RYR3: variants seen among roughly 807,000 people sequenced by gnomAD.
RYR3 encodes the protein ryanodine receptor 3, also known as brain ryanodine receptor-calcium release channel.
A neutral mutation model predicts 584.3 loss-of-function variants in RYR3; 207 were observed. That is an observed-to-expected ratio of 0.35 (90% CI 0.32 to 0.40). RYR3 has a LOEUF of 0.40. RYR3 is among the 10% of genes least tolerant of loss of function. The pLI is 1.00. For missense variants in RYR3, 5,616 were observed against 6,089.2 expected, an observed-to-expected ratio of 0.92 and a Z score of 2.59; for synonymous variants, 2,416 against 2,248.5, an observed-to-expected ratio of 1.07 and a Z score of -2.11.
At chr15:33,608,381 A>G (rs1222365231) in intron 18 of RYR3, among the ~76,000 whole-genome samples, 1 of 152,246 alleles carries the variant, frequency 6.6e-6, no homozygotes, top group Non-Finnish European at 1.5e-5. Flanking sequence ...TTATTAAGCC[A>G]TGAAAGCCCT....
At chr15:33,862,584 G>C (rs542053997) in intron 102 of RYR3, among the ~76,000 whole-genome samples, 20 of 152,162 alleles carry the variant, frequency 1.3e-4, no homozygotes, top group Non-Finnish European at 2.6e-4. Context: ...ACATGTTTTT[G>C]CTGGGGGATG....
At chr15:33,757,729 C>T (rs2071989818) in intron 60 of RYR3, 133 bp downstream of exon 60, 12 of 946,086 alleles carry the variant, frequency 1.3e-5, no homozygotes, top group South Asian at 9.9e-5. Context: ...ATCTGAGTTT[C>T]GAAAGAAACT....
At chr15:33,813,366 C>T in intron 73 of RYR3, 101 bp from the exon 74 acceptor site, 1 of 1,049,266 alleles carries the variant, frequency 9.5e-7, no homozygotes, top group Admixed American at 1.9e-5. Flanking sequence ...AGTTGAGAAG[C>T]CAAAATTCTT....
At chr15:33,609,138 A>G (rs1033246255) in intron 18 of RYR3, among the ~76,000 whole-genome samples, 3 of 152,246 alleles carry the variant, frequency 2.0e-5, no homozygotes, top group Admixed American at 1.3e-4. Flanking sequence ...CCCAGTTTGT[A>G]TGATTCTTAG....
chr15:33,401,569 A>AT (rs1183694268), intron 1 of RYR3, among the ~76,000 whole-genome samples: 1 of 152,220 alleles, frequency 6.6e-6, no homozygotes, highest in Admixed American at 6.5e-5. Context: ...TTTACATGGA[A>AT]AAACATTTGT....
At chr15:33,563,799 C>T (rs1465793075) in intron 11 of RYR3, among the ~76,000 whole-genome samples, 2 of 152,146 alleles carry the variant, frequency 1.3e-5, no homozygotes, top group East Asian at 1.9e-4. Flanking sequence ...TGAGAATGAA[C>T]ATAAGGTAAT....
At chr15:33,725,447 C>T (rs550384744) in intron 45 of RYR3, among the ~76,000 whole-genome samples, 39 of 152,236 alleles carry the variant, frequency 2.6e-4, no homozygotes, top group African/African-American at 5.5e-4. Context: ...TACTACACCC[C>T]GCCAGAGACT....
chr15:33,729,042 A>C lies in RYR3; in HGVS notation c.7203+16A>C. 6.2e-7 allele frequency: 1 copy of C among 1,606,646 alleles called. No homozygotes were observed. The highest frequency in any genetic ancestry group is 8.5e-7 in the Non-Finnish European group (1 of 1,176,828). ...TCTAGATACAGTAAGTTGCAAAAAT[A>C]ACAAAAAATTATTGTTCCCATCATT... On this transcript the variant is annotated intron_variant, in intron 47 of 103. Transcript: ENST00000634891.
intron 94 of RYR3, chr15:33,849,554 A>G (rs901935232): frequency 1.3e-5 from 2 of 152,250 alleles, no homozygotes; most frequent in Admixed American, 1.3e-4. Context: ...GGCCATCACC[A>G]TTAGCAAATG....
At chr15:33,623,229 CG>C (rs2060815566) in intron 19 of RYR3, among the ~76,000 whole-genome samples, 1 of 152,204 alleles carries the variant, frequency 6.6e-6, no homozygotes, top group Non-Finnish European at 1.5e-5. Flanking sequence ...ATGGCTGCTG[CG>C]GGGGAATGCG....
intron 85 of RYR3, 71 bp downstream of exon 85, chr15:33,827,358 G>T: frequency 7.3e-7 from 1 of 1,368,816 alleles, no homozygotes; most frequent in East Asian, 2.5e-5. Flanking sequence ...GTTACACAGG[G>T]TCAGGGACAG....
chr15:33,594,713 C>G (rs2059289932), intron 16 of RYR3, among the ~76,000 whole-genome samples: 1 of 152,062 alleles, frequency 6.6e-6, no homozygotes, highest in African/African-American at 2.4e-5. Context: ...TATAAACCCA[C>G]CTTTTAGAGA....
At position 33,858,161 on chromosome 15, in the gene RYR3, C is replaced by T. The variant is rs2079902785; in HGVS notation, c.14142+247C>T. The T allele has an allele frequency of 1.3e-5, 6 of 471,772 alleles. No homozygotes were observed. The East Asian group carries it at 2.0e-4, about 16-fold the overall frequency. 29.2% of individuals were successfully genotyped at this position (471,772 alleles called of 1,614,324 possible). On this transcript the variant is annotated intron_variant, in intron 99 of 103. Transcript: ENST00000634891. ...GCCCCGTGGAAAGGGAAGCACCCTG[C>T]ACAGTGGCGTCATCATTCATCTATT...
chr15:33,329,254 A>G (rs1970103040), intron 1 of RYR3, among the ~76,000 whole-genome samples: 1 of 152,144 alleles, frequency 6.6e-6, no homozygotes, highest in Non-Finnish European at 1.5e-5. Context: ...ATGTAATGCT[A>G]ACCTGAGTTT....
At chr15:33,679,137 G>T (rs536783080) in intron 38 of RYR3, among the ~76,000 whole-genome samples, 120 of 152,132 alleles carry the variant, frequency 7.9e-4, no homozygotes, top group African/African-American at 2.7e-3. Flanking sequence ...ACAGACCACA[G>T]AGGGCATGAG....
intron 5 of RYR3, chr15:33,539,132 C>T: frequency 2.5e-6 from 1 of 403,914 alleles, no homozygotes; most frequent in Non-Finnish European, 4.5e-6. Flanking sequence ...TTTCCATACA[C>T]TGTTTTTCTG....
chr15:33,853,625 C>T lies in RYR3; in HGVS notation c.13742C>T (p.Ala4581Val). 5 of 1,613,962 alleles carry T rather than the reference C, an allele frequency of 3.1e-6. No individual in the cohort carries two copies. The highest frequency in any genetic ancestry group is 1.1e-5 in the South Asian group (1 of 91,078). The change falls in exon 96 of 104, where the codon GCT becomes GTT. Residue 4581 changes from alanine to valine, a missense_variant. Physicochemically the swap from Ala to Val is moderately conservative, Grantham distance 64. Coordinates refer to ENST00000634891, the MANE Select transcript of RYR3 (RefSeq NM_001036.6). ...IAELLGLDKN[A>V]LDFSPVEETK... Reference sequence around the variant, plus strand: ...GAACTTCTGGGTTTGGACAAAAATGCTCTTGACTTTAGCCCAGTAGAAGAG... The same window carrying T: ...GAACTTCTGGGTTTGGACAAAAATGTTCTTGACTTTAGCCCAGTAGAAGAG...
intron 3 of RYR3, among the ~76,000 whole-genome samples, chr15:33,525,788 A>G (rs778871458): frequency 6.6e-5 from 10 of 152,186 alleles, no homozygotes; most frequent in Admixed American, 2.6e-4. Flanking sequence ...ACTTGTATCA[A>G]AGGAAATGCA....
chr15:33,396,284 T>C (rs1233638560), intron 1 of RYR3, among the ~76,000 whole-genome samples: 1 of 152,112 alleles, frequency 6.6e-6, no homozygotes, highest in Non-Finnish European at 1.5e-5. Context: ...ACAGAATATA[T>C]CCCGTCTGTG....
Sources: allele counts gnomAD v4.1 joint callset (sites outside exome capture counted in the v4.1 genomes callset), GRCh38; gene constraint gnomAD v4.1.1; transcripts MANE v1.5; gene names NCBI Gene and HGNC (gene_info 2026-07-23, HGNC 2026-07-21).